Variants in NAALADL2 observed in about 807,000 individuals in gnomAD.
The protein encoded by NAALADL2 is inactive N-acetylated-alpha-linked acidic dipeptidase-like protein 2.
In NAALADL2, 76 loss-of-function variants were observed where a neutral mutation model predicts 87.2. The observed-to-expected ratio is 0.87, with a 90% CI of 0.72 to 1.05. NAALADL2 has a LOEUF of 1.05. Ranked by LOEUF, NAALADL2 falls within the 50% of genes least tolerant of loss-of-function variation. NAALADL2 has a pLI of 0.00. For synonymous variants in NAALADL2, 354 were observed against 331.0 expected (o/e 1.07, Z -0.75); for missense variants, 1,089 against 945.8 (o/e 1.15, Z -1.99).
At chr3:175,043,485 C>T (rs1228197434) in intron 1 of NAALADL2, among the ~76,000 whole-genome samples, 2 of 152,158 alleles carry the variant, frequency 1.3e-5, no homozygotes, top group African/African-American at 4.8e-5. Flanking sequence ...GATCTGCCCG[C>T]CTCAGTCTCC....
rs149568481 is a variant in NAALADL2, at chr3:175,424,513, A to G, written c.1091-22716A>G. 2.7e-3 allele frequency among the ~76,000 whole-genome samples: 407 copies of G among 152,204 alleles called. 1 individual carries two copies. The highest frequency in any genetic ancestry group is 4.3e-3 in the African/African-American group (177 of 41,546). On this transcript the variant is annotated intron_variant, in intron 5 of 13. Transcript: ENST00000454872. The stretch of plus-strand genomic sequence containing the variant: ...TTTCCCAGCACCATTTATTAAATAG[A>G]GAATCCTTTCCCCATTTCTTGTTTT...
chr3:175,568,666 C>T (rs1717595441), intron 9 of NAALADL2, among the ~76,000 whole-genome samples: 1 of 152,182 alleles, frequency 6.6e-6, no homozygotes, highest in Non-Finnish European at 1.5e-5. Flanking sequence ...TGGCAAGCTG[C>T]TAAGCCCTAT....
intron 4 of NAALADL2, among the ~76,000 whole-genome samples, chr3:175,284,224 G>C (rs1402421518): frequency 8.1e-6 from 1 of 122,776 alleles, no homozygotes; most frequent in Admixed American, 8.9e-5. Context: ...ATGTGCTTTT[G>C]TGCTGGTGTG....
intron 1 of NAALADL2, among the ~76,000 whole-genome samples, chr3:174,934,283 C>A (rs907383008): frequency 1.3e-5 from 2 of 152,036 alleles, no homozygotes; most frequent in African/African-American, 4.8e-5. Context: ...ATTTCTTAAC[C>A]AAGAGACTCG....
chr3:175,349,317 A>G (rs1288403409), intron 5 of NAALADL2, among the ~76,000 whole-genome samples: 4 of 152,160 alleles, frequency 2.6e-5, no homozygotes, highest in Non-Finnish European at 5.9e-5. Context: ...GTGGATAAGA[A>G]AGAGTGAGAC....
chr3:175,280,040 A>G (rs1754089698), intron 4 of NAALADL2, among the ~76,000 whole-genome samples: 1 of 151,998 alleles, frequency 6.6e-6, no homozygotes, highest in South Asian at 2.1e-4. Flanking sequence ...CTTTAAAAAA[A>G]AAAACAGTTT....
intron 5 of NAALADL2, among the ~76,000 whole-genome samples, chr3:175,332,512 T>C (rs1350563064): frequency 6.6e-6 from 1 of 152,154 alleles, no homozygotes; most frequent in African/African-American, 2.4e-5. Flanking sequence ...TGTTGCCCAG[T>C]CTAGTCTCAA....
chr3:175,590,884 G>A (rs1020119233), intron 10 of NAALADL2, among the ~76,000 whole-genome samples: 10 of 152,134 alleles, frequency 6.6e-5, no homozygotes, highest in African/African-American at 2.4e-4. Context: ...TTTGCTTTCA[G>A]TACTGAACAA....
intron 1 of NAALADL2, among the ~76,000 whole-genome samples, chr3:175,078,788 T>C (rs1470644327): frequency 3.3e-5 from 5 of 152,260 alleles, no homozygotes; most frequent in Non-Finnish European, 5.9e-5. Flanking sequence ...TATTGCTGAA[T>C]AATATTCCCA....
intron 4 of NAALADL2, among the ~76,000 whole-genome samples, chr3:175,287,111 AAAC>A (rs1257700289): frequency 6.6e-6 from 1 of 152,122 alleles, no homozygotes; most frequent in Non-Finnish European, 1.5e-5. Context: ...AAACAAAATA[AAAC>A]AACAACATTA....
At chr3:174,445,630 A>G (rs1028916788) in intron 1 of NAALADL2, among the ~76,000 whole-genome samples, 3 of 152,166 alleles carry the variant, frequency 2.0e-5, no homozygotes, top group African/African-American at 7.2e-5. Flanking sequence ...TTCCTCACAC[A>G]TATATAACTA....
At chr3:175,188,953 A>G (rs367589083) in intron 2 of NAALADL2, among the ~76,000 whole-genome samples, 33 of 152,036 alleles carry the variant, frequency 2.2e-4, no homozygotes, top group East Asian at 1.9e-3. Context: ...TCCTCCCACA[A>G]TCAAACTCAT....
Position 175,755,278 on chromosome 3 carries a change from T to C in NAALADL2, c.2049T>C (p.Ala683=), listed in dbSNP as rs1043243902. The part of the protein sequence containing the change: ...LAMALRLRES[A]ELFQSDEMRP... Reference sequence around the variant, plus strand: ...TGGCGTTACGCCTGCGGGAGAGTGCTGAACTTTTTCAGTCTGATGAGATGC... The same window carrying C: ...TGGCGTTACGCCTGCGGGAGAGTGCCGAACTTTTTCAGTCTGATGAGATGC... Residue 683 remains alanine (A), a synonymous_variant, in exon 13 of 14, where the codon GCT becomes GCC. Coordinates refer to ENST00000454872, the MANE Select transcript of NAALADL2 (RefSeq NM_207015.3). 3 of 1,613,526 alleles carry C rather than the reference T, an allele frequency of 1.9e-6. No individual in the cohort carries two copies. Among genetic ancestry groups the C allele is most frequent in the Non-Finnish European group, 2.5e-6 (3 of 1,179,776 alleles).
intron 5 of NAALADL2, among the ~76,000 whole-genome samples, chr3:175,349,077 ATGT>A (rs1435365844): frequency 2.0e-5 from 3 of 152,066 alleles, no homozygotes; most frequent in African/African-American, 4.8e-5. Flanking sequence ...TGTGGGGGAC[ATGT>A]TGTTGTACTA....
intron 2 of NAALADL2, among the ~76,000 whole-genome samples, chr3:175,153,154 C>T (rs1268890647): frequency 6.6e-6 from 1 of 152,134 alleles, no homozygotes; most frequent in South Asian, 2.1e-4. Flanking sequence ...AAAGATCTAC[C>T]TCTGACATTT....
At chr3:175,444,880 C>T (rs1720440412) in intron 5 of NAALADL2, among the ~76,000 whole-genome samples, 1 of 152,148 alleles carries the variant, frequency 6.6e-6, no homozygotes, top group African/African-American at 2.4e-5. Context: ...TCCACGGCTG[C>T]CATAGGCCAA....
At chr3:175,585,592 C>T (rs1720428073) in intron 10 of NAALADL2, among the ~76,000 whole-genome samples, 1 of 151,854 alleles carries the variant, frequency 6.6e-6, no homozygotes, top group Non-Finnish European at 1.5e-5. Flanking sequence ...TATTGTTTTA[C>T]AAAACAGAGC....
chr3:175,675,056 C>T (rs1734575580), intron 11 of NAALADL2: 1 of 152,084 alleles, frequency 6.6e-6, no homozygotes, highest in African/African-American at 2.4e-5. Flanking sequence ...AAACAGATAC[C>T]TACATATACT....
chr3:175,537,330 T>A (rs2149459938), intron 9 of NAALADL2, among the ~76,000 whole-genome samples: 1 of 152,352 alleles, frequency 6.6e-6, no homozygotes, highest in East Asian at 1.9e-4. Context: ...ATTTATTATA[T>A]CACTGTAGCT....
Sources: gnomAD v4.1 joint callset for allele counts (sites outside exome capture counted in the v4.1 genomes callset) on GRCh38, gnomAD v4.1.1 for gene constraint, MANE v1.5 for transcripts, NCBI Gene and HGNC (gene_info 2026-07-23, HGNC 2026-07-21) for gene names.